GPR31: variants seen among roughly 807,000 people sequenced by gnomAD.
GPR31 encodes 12-(S)-hydroxy-5,8,10,14-eicosatetraenoic acid receptor.
For missense variants in GPR31, 394 were observed against 400.5 expected, an observed-to-expected ratio of 0.98 and a Z score of 0.14; for synonymous variants, 209 against 183.8, an observed-to-expected ratio of 1.14 and a Z score of -1.11.
rs1782054367 is a variant in GPR31, at chr6:167,155,517, C to T, written c.*1355G>A. ...TCAGCTCTGCAGATGGGAGACTTGC[C>T]ATTTTCTGTTGCCTAGAGCCATCAT... On this transcript the variant is annotated 3_prime_UTR_variant, in exon 1 of 1. Coordinates refer to ENST00000366834, the MANE Select transcript of GPR31 (RefSeq NM_005299.3). Among the ~76,000 whole-genome samples the T allele has an allele frequency of 1.3e-5, 2 of 152,224 alleles. No individual in the cohort carries two copies. Among genetic ancestry groups the T allele is most frequent in the Non-Finnish European group, 2.9e-5 (2 of 68,042 alleles).
In GPR31 at chr6:167,156,888, C is replaced by T. The variant is rs761637610; in HGVS notation, c.944G>A (p.Arg315Lys). 6 of 1,601,860 alleles carry T rather than the reference C, an allele frequency of 3.7e-6. No individual in the cohort carries two copies. The Admixed American group carries it at 1.0e-4, about 27-fold the overall frequency. The stretch of plus-strand genomic sequence containing the variant: ...TGGCTGTTGTCAGGAATAGGAGTCT[C>T]TGGGGTTGAAATCTGGGGGCTCTGC... ...QAAEPPDFNP[R>K]DSYS Residue 315 changes from arginine to lysine, a missense_variant, in exon 1 of 1, where the codon AGA (arginine) becomes AAA (lysine). By Grantham distance (26) the Arg-to-Lys change is conservative. Coordinates refer to ENST00000366834, the MANE Select transcript of GPR31 (RefSeq NM_005299.3). This position sits in a 1 kb window ranked among gnomAD's most constrained non-coding sequence, Gnocchi z 4.5.
At position 167,157,130 on chromosome 6, in the gene GPR31, G is replaced by A; in HGVS notation, c.702C>T (p.Cys234=). ...CTCTGGCCAGGAAGCAGGGCAGAAA[G>A]CACAGAGCAAACAGCACCACCACCA... The part of the protein sequence containing the change: ...VTLVVVLFAL[C]FLPCFLARVL... The change falls in exon 1 of 1, where the codon TGC becomes TGT. Residue 234 remains cysteine, a synonymous_variant. Coordinates refer to ENST00000366834, the MANE Select transcript of GPR31 (RefSeq NM_005299.3). 1 of 1,614,212 alleles carries A rather than the reference G, an allele frequency of 6.2e-7. No homozygotes were observed. The highest frequency in any genetic ancestry group is 1.1e-5 in the South Asian group (1 of 91,082).
Position 167,157,535 on chromosome 6 carries a change from G to A in GPR31, c.297C>T (p.Ser99=), listed in dbSNP as rs772097719. 9 of 1,610,260 alleles carry A rather than the reference G, an allele frequency of 5.6e-6. No homozygotes were observed. Among genetic ancestry groups the A allele is most frequent in the South Asian group, 4.4e-5 (4 of 90,904 alleles). The change falls in exon 1 of 1, where the codon AGC becomes AGT. Residue 99 remains serine, a synonymous_variant. Coordinates refer to ENST00000366834, the MANE Select transcript of GPR31 (RefSeq NM_005299.3). ...CGGCGGCCAGGAAGGCCATCCCCAC[G>A]CTGCGGCTGAGGTCCAGCAGGAAGT... is the stretch of plus-strand genomic sequence containing the variant. The part of the protein sequence containing the change: ...ALHFLLDLSR[S]VGMAFLAAVA...
In GPR31 at chr6:167,157,613, G is replaced by C; in HGVS notation, c.219C>G (p.Phe73Leu). 1 of 1,613,686 alleles carries C rather than the reference G, an allele frequency of 6.2e-7. No individual in the cohort carries two copies. The highest frequency in any genetic ancestry group is 1.7e-5 in the Admixed American group (1 of 60,002). ...LAACLPFLAA[F>L]YLSLQAWHLG... Reference sequence around the variant, plus strand: ...GATGCCAAGCCTGGAGGCTCAGGTAGAAGGCGGCCAGGAAAGGCAGGCACG... The same window carrying C: ...GATGCCAAGCCTGGAGGCTCAGGTACAAGGCGGCCAGGAAAGGCAGGCACG... Residue 73 changes from phenylalanine to leucine, a missense_variant, in exon 1 of 1, where the codon TTC (phenylalanine) becomes TTG (leucine). Phe to Leu is a conservative substitution (Grantham distance 22). Coordinates refer to ENST00000366834, the MANE Select transcript of GPR31 (RefSeq NM_005299.3).
chr6:167,156,732 A>T lies in GPR31; in HGVS notation c.*140T>A. 1 of 937,006 alleles carries T rather than the reference A, an allele frequency of 1.1e-6. No individual in the cohort carries two copies. The highest frequency in any genetic ancestry group is 1.7e-5 in the South Asian group (1 of 58,976). The allele number at this position is 937,006 out of a possible 1,614,324, so 58.0% of individuals were successfully genotyped here. A position where few individuals can be genotyped will look rare whatever the true frequency, so the allele number is the denominator to read the frequency against. ...CAAAGTATAAGACCACACCTGCAGC[A>T]ACTGTGCCCATGTTTATGCTCTGAT... On this transcript the variant is annotated 3_prime_UTR_variant, in exon 1 of 1. Coordinates refer to ENST00000366834, the MANE Select transcript of GPR31 (RefSeq NM_005299.3). This position sits in a 1 kb window ranked among gnomAD's most constrained non-coding sequence, Gnocchi z 4.5.
chr6:167,157,426 C>G lies in GPR31; in HGVS notation c.406G>C (p.Gly136Arg), dbSNP rs200148167. Residue 136 changes from glycine (G) to arginine (R), a missense_variant, in exon 1 of 1, where the codon GGC becomes CGC. Physicochemically the swap from Gly to Arg is moderately radical, Grantham distance 125 (BLOSUM62 -2). Coordinates refer to ENST00000366834, the MANE Select transcript of GPR31 (RefSeq NM_005299.3). ...LSPQAALGVSGLVWLLMVALT... is the reference protein window; with the variant it reads ...LSPQAALGVSRLVWLLMVALT... ...GCGACCATCAGGAGCCAGACGAGGC[C>G]CGAGACCCCCAGGGCCGCCTGAGGA... The G allele has an allele frequency of 2.4e-5, 38 of 1,613,362 alleles. No homozygotes were observed. The East Asian group carries it at 7.6e-4, about 32-fold the overall frequency.
At position 167,157,838 on chromosome 6, in the gene GPR31, G is replaced by A. The variant is rs1782085241; in HGVS notation, c.-7C>T. ...AGCAGTTTGGGAATGGCATCACCCGGCCGTGAGGGGCTGCAGGCACAGCTG... is the reference window on the plus strand; with the variant it reads ...AGCAGTTTGGGAATGGCATCACCCGACCGTGAGGGGCTGCAGGCACAGCTG... On this transcript the variant is annotated 5_prime_UTR_variant, in exon 1 of 1. Coordinates refer to ENST00000366834, the MANE Select transcript of GPR31 (RefSeq NM_005299.3). The A allele has an allele frequency of 6.3e-7, 1 of 1,598,546 alleles. No individual in the cohort carries two copies. Among genetic ancestry groups the A allele is most frequent in the South Asian group, 1.1e-5 (1 of 89,366 alleles).
chr6:167,156,345 A>T lies in GPR31; in HGVS notation c.*527T>A, dbSNP rs1018561704. ...AATAAAGGCTAGCATGTACGACAGT[A>T]CCTTATATACAGCAGAGTCTCTTTT... On this transcript the variant is annotated 3_prime_UTR_variant, in exon 1 of 1. Transcript: ENST00000366834. The surrounding 1 kb of genome is among the most constrained non-coding windows in gnomAD (Gnocchi z 4.5). 2 of 152,680 alleles carry T rather than the reference A, an allele frequency of 1.3e-5. No homozygotes were observed. Among genetic ancestry groups the T allele is most frequent in the Non-Finnish European group, 2.9e-5 (2 of 68,442 alleles). The allele number at this position is 152,680 out of a possible 1,614,324, so 9.5% of individuals were successfully genotyped here.
At position 167,157,854 on chromosome 6, in the gene GPR31, G is replaced by A; in HGVS notation, c.-23C>T. 6.3e-7 allele frequency: 1 copy of A among 1,587,556 alleles called. No homozygotes were observed. The highest frequency in any genetic ancestry group is 8.6e-7 in the Non-Finnish European group (1 of 1,166,930). ...CATCACCCGGCCGTGAGGGGCTGCA[G>A]GCACAGCTGGAGCAGGTACAGGAGG... is the stretch of plus-strand genomic sequence containing the variant. On this transcript the variant is annotated 5_prime_UTR_variant, in exon 1 of 1. Coordinates refer to ENST00000366834, the MANE Select transcript of GPR31 (RefSeq NM_005299.3).
chr6:167,157,241 A>C lies in GPR31; in HGVS notation c.591T>G (p.Asn197Lys). 6.2e-7 allele frequency: 1 copy of C among 1,614,222 alleles called. No homozygotes were observed. The part of the protein sequence containing the change: ...VLPFGLIVFC[N>K]AGIIRALQKR... Reference sequence around the variant, plus strand: ...TCTGGAGAGCCCTGATGATGCCTGCATTGCAGAACACGATGAGGCCAAAGG... The same window carrying C: ...TCTGGAGAGCCCTGATGATGCCTGCCTTGCAGAACACGATGAGGCCAAAGG... The change falls in exon 1 of 1, where the codon AAT becomes AAG. Residue 197 changes from asparagine to lysine, a missense_variant. Coordinates refer to ENST00000366834, the MANE Select transcript of GPR31 (RefSeq NM_005299.3).
In GPR31 at chr6:167,157,478, G is replaced by T. The variant is rs1562567258; in HGVS notation, c.354C>A (p.His118Gln). 4 of 1,613,634 alleles carry T rather than the reference G, an allele frequency of 2.5e-6. No individual in the cohort carries two copies. The highest frequency in any genetic ancestry group is 2.5e-6 in the Non-Finnish European group (3 of 1,179,904). Residue 118 changes from histidine to glutamine, a missense_variant, in exon 1 of 1, where the codon CAC becomes CAA. Coordinates refer to ENST00000366834, the MANE Select transcript of GPR31 (RefSeq NM_005299.3). Reference protein sequence around the residue: ...VALDRYLRVVHPRLKVNLLSP... With the variant: ...VALDRYLRVVQPRLKVNLLSP... Reference sequence around the variant, plus strand: ...ACAGCAGGTTGACCTTAAGCCGAGGGTGGACCACACGGAGGTACCGGTCCA... The same window carrying T: ...ACAGCAGGTTGACCTTAAGCCGAGGTTGGACCACACGGAGGTACCGGTCCA...
rs972869624 is a variant in GPR31 at position 167,155,592 on chromosome 6, T to C, written c.*1280A>G. 8.5e-5 allele frequency among the ~76,000 whole-genome samples: 13 copies of C among 152,214 alleles called. No homozygotes were observed. Among genetic ancestry groups the C allele is most frequent in the African/African-American group, 3.1e-4 (13 of 41,454 alleles). On this transcript the variant is annotated 3_prime_UTR_variant, in exon 1 of 1. Coordinates refer to ENST00000366834, the MANE Select transcript of GPR31 (RefSeq NM_005299.3). ...GCTTGGGACCACCCCTGTGGGATAA[T>C]TGAAGGCATCAAAACACCACAGAAC... is the stretch of plus-strand genomic sequence containing the variant.
rs1360845480 is a variant in GPR31 at position 167,157,572 on chromosome 6, C to T, written c.260G>A (p.Cys87Tyr). 8.7e-6 allele frequency: 14 copies of T among 1,610,440 alleles called. No homozygotes were observed. Among genetic ancestry groups the T allele is most frequent in the Non-Finnish European group, 1.2e-5 (14 of 1,177,550 alleles). The change falls in exon 1 of 1, where the codon TGC becomes TAC. Residue 87 changes from cysteine (C) to tyrosine (Y), a missense_variant. Physicochemically the swap from Cys to Tyr is radical, Grantham distance 194. Coordinates refer to ENST00000366834, the MANE Select transcript of GPR31 (RefSeq NM_005299.3). ...GTCCAGCAGGAAGTGCAGGGCCCAG[C>T]AGCCCACACGGCCCAGATGCCAAGC... Reference protein sequence around the residue: ...LQAWHLGRVGCWALHFLLDLS... With the variant: ...LQAWHLGRVGYWALHFLLDLS...
At position 167,157,598 on chromosome 6, in the gene GPR31, C is replaced by T. The variant is rs1782080656; in HGVS notation, c.234G>A (p.Gln78=). Residue 78 remains glutamine (Q), a synonymous_variant, in exon 1 of 1, where the codon CAG becomes CAA. Transcript: ENST00000366834. ...AGCCCACACGGCCCAGATGCCAAGC[C>T]TGGAGGCTCAGGTAGAAGGCGGCCA... ...PFLAAFYLSL[Q]AWHLGRVGCW... is the part of the protein sequence containing the mutation. 1.9e-6 allele frequency: 3 copies of T among 1,613,480 alleles called. No individual in the cohort carries two copies. Among genetic ancestry groups the T allele is most frequent in the Non-Finnish European group, 1.7e-6 (2 of 1,179,734 alleles).
chr6:167,157,933 G>A lies in GPR31; in HGVS notation c.-102C>T, dbSNP rs2114956801. The A allele has an allele frequency of 2.2e-6, 3 of 1,354,184 alleles. No homozygotes were observed. Among genetic ancestry groups the A allele is most frequent in the Non-Finnish European group, 3.0e-6 (3 of 1,008,496 alleles). The allele number at this position is 1,354,184 out of a possible 1,614,324, so 83.9% of individuals were successfully genotyped here. A position where few individuals can be genotyped will look rare whatever the true frequency, so the allele number is the denominator to read the frequency against. ...AGAAAAGGCCTTTTCCTGCCACAGA[G>A]TAGACAAGATCTACATTTGCCCAAC... On this transcript the variant is annotated 5_prime_UTR_variant, in exon 1 of 1. Transcript: ENST00000366834.
rs760567769 is a variant in GPR31, at chr6:167,156,907, G to A, written c.925C>T (p.Pro309Ser). The A allele has an allele frequency of 6.2e-7, 1 of 1,609,910 alleles. No homozygotes were observed. The highest frequency in any genetic ancestry group is 1.7e-5 in the Admixed American group (1 of 59,366). Reference protein sequence around the residue: ...TLRGKGQAAEPPDFNPRDSYS With the variant: ...TLRGKGQAAESPDFNPRDSYS ...GAGTCTCTGGGGTTGAAATCTGGGG[G>A]CTCTGCTGCCTGCCCTTTGCCTCGG... is the stretch of plus-strand genomic sequence containing the variant. Residue 309 changes from proline to serine, a missense_variant, in exon 1 of 1, where the codon CCC becomes TCC. By Grantham distance (74) the Pro-to-Ser change is moderately conservative. Coordinates refer to ENST00000366834, the MANE Select transcript of GPR31 (RefSeq NM_005299.3). This position sits in a 1 kb window ranked among gnomAD's most constrained non-coding sequence, Gnocchi z 4.5.
chr6:167,157,472 C>T lies in GPR31; in HGVS notation c.360G>A (p.Arg120=), dbSNP rs749730347. The change falls in exon 1 of 1, where the codon CGG becomes CGA. Residue 120 remains arginine, a synonymous_variant. Coordinates refer to ENST00000366834, the MANE Select transcript of GPR31 (RefSeq NM_005299.3). ...LDRYLRVVHP[R]LKVNLLSPQA... ...GAGGAGACAGCAGGTTGACCTTAAGCCGAGGGTGGACCACACGGAGGTACC... is the reference window on the plus strand; with the variant it reads ...GAGGAGACAGCAGGTTGACCTTAAGTCGAGGGTGGACCACACGGAGGTACC... The T allele has an allele frequency of 1.9e-6, 3 of 1,613,576 alleles. No individual in the cohort carries two copies. Among genetic ancestry groups the T allele is most frequent in the Non-Finnish European group, 2.5e-6 (3 of 1,179,900 alleles).
rs374455043 is a variant in GPR31 at position 167,157,424 on chromosome 6, G to A, written c.408C>T (p.Gly136=). 369 of 1,613,218 alleles carry A rather than the reference G, an allele frequency of 2.3e-4. No individual in the cohort carries two copies. The highest frequency in any genetic ancestry group is 2.9e-4 in the Non-Finnish European group (343 of 1,179,996). ...GGGCGACCATCAGGAGCCAGACGAG[G>A]CCCGAGACCCCCAGGGCCGCCTGAG... ...LSPQAALGVS[G]LVWLLMVALT... is the part of the protein sequence containing the mutation. Residue 136 remains glycine (G), a synonymous_variant, in exon 1 of 1, where the codon GGC becomes GGT. Transcript: ENST00000366834.
At position 167,157,214 on chromosome 6, in the gene GPR31, T is replaced by C; in HGVS notation, c.618A>G (p.Lys206=). 6.2e-7 allele frequency: 1 copy of C among 1,614,078 alleles called. No homozygotes were observed. The highest frequency in any genetic ancestry group is 8.5e-7 in the Non-Finnish European group (1 of 1,180,018). Reference sequence around the variant, plus strand: ...GCTGTTTCTCAGGCTCCCGGAGTCTTTTCTGGAGAGCCCTGATGATGCCTG... The same window carrying C: ...GCTGTTTCTCAGGCTCCCGGAGTCTCTTCTGGAGAGCCCTGATGATGCCTG... ...CNAGIIRALQ[K]RLREPEKQPK... The change falls in exon 1 of 1, where the codon AAA becomes AAG. Residue 206 remains lysine, a synonymous_variant. Coordinates refer to ENST00000366834, the MANE Select transcript of GPR31 (RefSeq NM_005299.3).
Sources: allele counts gnomAD v4.1 joint callset (sites outside exome capture counted in the v4.1 genomes callset), GRCh38; gene constraint gnomAD v4.1.1; non-coding constraint Gnocchi (gnomAD v3.1); transcripts MANE v1.5; gene names NCBI Gene and HGNC (gene_info 2026-07-23, HGNC 2026-07-21).